CCDC149: variants seen among roughly 807,000 people sequenced by gnomAD.
CCDC149 encodes coiled-coil domain-containing protein 149.
CCDC149 carries 45 observed loss-of-function variants against 59.9 expected under a neutral mutation model. The observed-to-expected ratio is 0.75, with a 90% CI of 0.59 to 0.96. The LOEUF is 0.96. CCDC149 is among the 40% of genes least tolerant of loss of function. CCDC149 has a pLI of 0.00. For missense variants in CCDC149, 584 were observed against 664.7 expected (o/e 0.88, Z 1.33); for synonymous variants, 245 against 260.6 (o/e 0.94, Z 0.58).
At chr4:24,901,072 C>A (rs945663937) in intron 1 of CCDC149, among the ~76,000 whole-genome samples, 2 of 152,168 alleles carry the variant, frequency 1.3e-5, no homozygotes, top group African/African-American at 4.8e-5. Context: ...GCTAGCTGTA[C>A]AGAGGATAAA....
intron 1 of CCDC149, among the ~76,000 whole-genome samples, chr4:24,903,508 G>A (rs771161954): frequency 2.0e-5 from 3 of 152,188 alleles, no homozygotes; most frequent in Admixed American, 6.5e-5. Context: ...AGAGAGGCAA[G>A]GAGTAAAGCT....
At chr4:24,908,355 C>A (rs1237646229) in intron 1 of CCDC149, among the ~76,000 whole-genome samples, 2 of 152,070 alleles carry the variant, frequency 1.3e-5, no homozygotes, top group African/African-American at 4.8e-5. Flanking sequence ...GGGTCTTTAC[C>A]TTAACCACAG....
chr4:24,850,979 G>A (rs1199211565), intron 4 of CCDC149, among the ~76,000 whole-genome samples: 3 of 151,602 alleles, frequency 2.0e-5, no homozygotes, highest in African/African-American at 7.3e-5. Context: ...TTTTTTTAGG[G>A]AGAGAGGCCA....
chr4:24,896,332 C>T lies in CCDC149; in HGVS notation c.63+16485G>A, dbSNP rs1720844363. On this transcript the variant is annotated intron_variant, in intron 1 of 12. Coordinates refer to ENST00000635206, the MANE Select transcript of CCDC149 (RefSeq NM_001330643.2). ...GTATACCCCAACTTTTGGCAGAGTG[C>T]CTGAGACACAGTAAATCCTTGTAAA... is the stretch of plus-strand genomic sequence containing the variant. Among the ~76,000 whole-genome samples, 4 of 152,088 alleles carry T rather than the reference C, an allele frequency of 2.6e-5. No homozygotes were observed. In the South Asian group the frequency reaches 8.3e-4, roughly 32 times the overall value.
At chr4:24,879,244 G>A (rs566872050) in intron 1 of CCDC149, among the ~76,000 whole-genome samples, 11 of 152,080 alleles carry the variant, frequency 7.2e-5, no homozygotes, top group Non-Finnish European at 1.2e-4. Context: ...TGCCAGGCAC[G>A]GTGGCTCATG....
Position 24,893,613 on chromosome 4 carries a change from C to CTTTTTTTTTTTTTTTTTTTTT in CCDC149, c.64-16937_64-16917dup, listed in dbSNP as rs3066508. Among the ~76,000 whole-genome samples the CTTTTTTTTTTTTTTTTTTTTT allele has an allele frequency of 5.6e-3, 369 of 65,874 alleles. 112 individuals carry two copies. The highest frequency in any genetic ancestry group is 6.7e-3 in the South Asian group (7 of 1,052). 43.2% of individuals were successfully genotyped at this position (65,874 alleles called of 152,430 possible). On this transcript the variant is annotated intron_variant, in intron 1 of 12. Coordinates refer to ENST00000635206, the MANE Select transcript of CCDC149 (RefSeq NM_001330643.2). Reference sequence around the variant, plus strand: ...CTTCTAGCACAATCTAAAATACAGACTTTTTTTTTTTTTTTTTTTTTGAGA... The same window carrying CTTTTTTTTTTTTTTTTTTTTT: ...CTTCTAGCACAATCTAAAATACAGACTTTTTTTTTTTTTTTTTTTTTTTTTTTTTTTTTTTTTTTTTTGAGA...
rs1320467277 is a variant in CCDC149, at chr4:24,822,577, A to T, written c.966-4T>A. 1 of 1,527,656 alleles carries T rather than the reference A, an allele frequency of 6.5e-7. No individual in the cohort carries two copies. The highest frequency in any genetic ancestry group is 1.4e-5 in the African/African-American group (1 of 71,408). The allele number at this position is 1,527,656 out of a possible 1,614,324, so 94.6% of individuals were successfully genotyped here. ...AGCCACCCGATTCCCTAGGATTCTG[A>T]AAAAAGGGGAGAAAATGACAATCAA... is the stretch of plus-strand genomic sequence containing the variant. On this transcript the variant is annotated splice_polypyrimidine_tract_variant and splice_region_variant and intron_variant, in intron 9 of 12. Transcript: ENST00000635206.
intron 1 of CCDC149, among the ~76,000 whole-genome samples, chr4:24,978,339 G>T (rs1724310979): frequency 6.6e-6 from 1 of 152,032 alleles, no homozygotes; most frequent in African/African-American, 2.4e-5. Context: ...ATATCGAAAG[G>T]ATATTTGTGA....
chr4:24,808,485 G>C lies in CCDC149; in HGVS notation c.1527C>G (p.Ser509=), dbSNP rs1241864587. 1.3e-6 allele frequency: 2 copies of C among 1,485,570 alleles called. No homozygotes were observed. Among genetic ancestry groups the C allele is most frequent in the Admixed American group, 2.6e-5 (1 of 39,016 alleles). The allele number at this position is 1,485,570 out of a possible 1,614,324, so 92.0% of individuals were successfully genotyped here. A position where few individuals can be genotyped will look rare whatever the true frequency, so the allele number is the denominator to read the frequency against. ...TGGCTGCTGGCCGGCTGGCCTCGAA[G>C]GAGTCCAGGTGAGATTTAGGGAGCT... is the stretch of plus-strand genomic sequence containing the variant. Residue 509 remains serine, a synonymous_variant, in exon 13 of 13, where the codon TCC becomes TCG. Coordinates refer to ENST00000635206, the MANE Select transcript of CCDC149 (RefSeq NM_001330643.2).
chr4:24,891,315 T>C (rs1054986630), intron 1 of CCDC149, among the ~76,000 whole-genome samples: 1 of 152,080 alleles, frequency 6.6e-6, no homozygotes, highest in Non-Finnish European at 1.5e-5. Flanking sequence ...CTGCTCAAGG[T>C]GGGGACTCCA....
At chr4:24,855,443 A>G (rs1717941227) in intron 3 of CCDC149, among the ~76,000 whole-genome samples, 1 of 152,048 alleles carries the variant, frequency 6.6e-6, no homozygotes, top group African/African-American at 2.4e-5. Context: ...GCACATGCCT[A>G]TAGTCCCAGC....
chr4:24,927,638 G>A (rs543424814), intron 1 of CCDC149, among the ~76,000 whole-genome samples: 2 of 152,268 alleles, frequency 1.3e-5, no homozygotes, highest in East Asian at 1.9e-4. Context: ...GTATAATGAT[G>A]TAGTTTTCTA....
At chr4:24,854,063 A>G (rs1454591885) in intron 3 of CCDC149, among the ~76,000 whole-genome samples, 1 of 151,982 alleles carries the variant, frequency 6.6e-6, no homozygotes, top group Non-Finnish European at 1.5e-5. Context: ...GTGTGGCTCC[A>G]TCTCACAGCC....
intron 2 of CCDC149, among the ~76,000 whole-genome samples, 196 bp downstream of exon 2, chr4:24,876,340 C>CAGAG (rs369314730): frequency 6.8e-5 from 7 of 103,222 alleles, no homozygotes; most frequent in African/African-American, 2.5e-4. Flanking sequence ...CACACACACA[C>CAGAG]AGAGAGAGAG....
intron 10 of CCDC149, 57 bp downstream of exon 10, chr4:24,822,440 T>A: frequency 8.2e-7 from 1 of 1,219,108 alleles, no homozygotes; most frequent in Non-Finnish European, 1.1e-6. Flanking sequence ...GGGAGCTTCA[T>A]TTCTTAAAAA....
intron 9 of CCDC149, among the ~76,000 whole-genome samples, chr4:24,826,270 T>C (rs1261600956): frequency 6.6e-6 from 1 of 151,424 alleles, no homozygotes; most frequent in East Asian, 1.9e-4. Context: ...CAGTGAAGGG[T>C]TTTAAGCAAG....
At chr4:24,930,792 G>A (rs1369340582) in intron 1 of CCDC149, among the ~76,000 whole-genome samples, 2 of 152,102 alleles carry the variant, frequency 1.3e-5, no homozygotes, top group Non-Finnish European at 2.9e-5. Flanking sequence ...ATAGAGATAA[G>A]TTAGAAATCA....
intron 1 of CCDC149, among the ~76,000 whole-genome samples, chr4:24,912,377 C>T (rs963641683): frequency 1.3e-5 from 2 of 152,172 alleles, no homozygotes; most frequent in African/African-American, 4.8e-5. Context: ...GAACCACCGC[C>T]GCAGGTAATT....
At chr4:24,956,260 C>G (rs143585297) in intron 1 of CCDC149, among the ~76,000 whole-genome samples, 32 of 152,106 alleles carry the variant, frequency 2.1e-4, no homozygotes, top group Admixed American at 3.3e-4. Context: ...AAGGATTTCT[C>G]TGAACTTGCC....
Sources: allele counts gnomAD v4.1 joint callset (sites outside exome capture counted in the v4.1 genomes callset), GRCh38; gene constraint gnomAD v4.1.1; transcripts MANE v1.5; gene names NCBI Gene and HGNC (gene_info 2026-07-23, HGNC 2026-07-21).